Variants in GRM3 observed in about 807,000 individuals in gnomAD.
GRM3 encodes metabotropic glutamate receptor 3.
In GRM3, 26 loss-of-function variants were observed where a neutral mutation model predicts 70.5. The observed-to-expected ratio is 0.37, with a 90% CI of 0.27 to 0.51. GRM3 has a LOEUF of 0.51. Among genes scored for constraint, GRM3 ranks in the 20% least tolerant of loss-of-function variants. The probability of loss-of-function intolerance (pLI) is 0.93; values close to 1 mark genes in which losing one functional copy is unlikely to be tolerated. For synonymous variants in GRM3, 443 were observed against 434.9 expected (o/e 1.02, Z -0.23); for missense variants, 859 against 1,123.8 (o/e 0.76, Z 3.37).
chr7:86,655,513 AC>A, intron 1 of GRM3, among the ~76,000 whole-genome samples: 1 of 152,110 alleles, frequency 6.6e-6, no homozygotes, highest in South Asian at 2.1e-4. Context: ...AAAACAACAA[AC>A]CCTAACTTGC....
chr7:86,724,502 T>G (rs1168967909), intron 1 of GRM3, among the ~76,000 whole-genome samples: 3 of 152,130 alleles, frequency 2.0e-5, no homozygotes, highest in Non-Finnish European at 4.4e-5. Flanking sequence ...CATTATTTAT[T>G]TTTACAGTAA....
chr7:86,761,764 A>G (rs939698178), intron 1 of GRM3, among the ~76,000 whole-genome samples: 4 of 152,136 alleles, frequency 2.6e-5, no homozygotes, highest in African/African-American at 9.7e-5. Context: ...GAATTTGGTA[A>G]CAGGCTCTAT....
intron 1 of GRM3, among the ~76,000 whole-genome samples, chr7:86,713,197 A>G (rs1033443815): frequency 6.6e-6 from 1 of 151,996 alleles, no homozygotes; most frequent in South Asian, 2.1e-4. Flanking sequence ...ATGACATCTC[A>G]TTTTGGTTTC....
intron 1 of GRM3, among the ~76,000 whole-genome samples, chr7:86,678,511 T>G (rs1340759043): frequency 6.6e-6 from 1 of 152,050 alleles, no homozygotes. Context: ...CCACGGTGTC[T>G]AAGAATACTG....
intron 1 of GRM3, among the ~76,000 whole-genome samples, chr7:86,714,604 C>T (rs1198755018): frequency 6.6e-6 from 1 of 151,932 alleles, no homozygotes; most frequent in Non-Finnish European, 1.5e-5. Flanking sequence ...AGTAATTGAC[C>T]TGCTAAATCA....
In GRM3 at chr7:86,644,674, C is replaced by T. The variant is rs1793408887; in HGVS notation, c.-339C>T. The stretch of plus-strand genomic sequence containing the variant: ...GGGGCAGGGGCAGGGGGCACTGTGA[C>T]AGGAAGCTGCGCGCACAAGTTGGCC... On this transcript the variant is annotated 5_prime_UTR_variant, in exon 1 of 6. Transcript: ENST00000361669. 1.5e-6 allele frequency: 1 copy of T among 658,004 alleles called. No homozygotes were observed. Among genetic ancestry groups the T allele is most frequent in the Non-Finnish European group, 2.4e-6 (1 of 411,080 alleles). 40.8% of individuals were successfully genotyped at this position (658,004 alleles called of 1,614,324 possible).
At chr7:86,799,875 T>G (rs1236516929) in intron 3 of GRM3, among the ~76,000 whole-genome samples, 2 of 152,162 alleles carry the variant, frequency 1.3e-5, no homozygotes, top group Non-Finnish European at 1.5e-5. Context: ...ATGTTGAATT[T>G]TATTGAAGGC....
intron 1 of GRM3, among the ~76,000 whole-genome samples, chr7:86,741,406 C>G (rs1795988375): frequency 1.3e-5 from 2 of 152,320 alleles, no homozygotes; most frequent in Admixed American, 1.3e-4. Flanking sequence ...TTATTGCTCT[C>G]AGGTGGATCT....
chr7:86,722,660 C>T (rs779202709), intron 1 of GRM3, among the ~76,000 whole-genome samples: 16 of 151,920 alleles, frequency 1.1e-4, no homozygotes, highest in Admixed American at 2.0e-4. Flanking sequence ...ATGTAGATGA[C>T]GGGTTGATGG....
chr7:86,767,560 A>T (rs1050396582), intron 2 of GRM3, among the ~76,000 whole-genome samples: 57 of 118,842 alleles, frequency 4.8e-4, no homozygotes, highest in African/African-American at 1.2e-3. Flanking sequence ...TATATATATA[A>T]ATGAAGTATG....
At chr7:86,733,741 T>C (rs1253273478) in intron 1 of GRM3, among the ~76,000 whole-genome samples, 1 of 152,040 alleles carries the variant, frequency 6.6e-6, no homozygotes, top group Non-Finnish European at 1.5e-5. Flanking sequence ...TCATGGACAG[T>C]TTCAACATGA....
At chr7:86,737,659 A>G (rs1795895941) in intron 1 of GRM3, among the ~76,000 whole-genome samples, 1 of 152,226 alleles carries the variant, frequency 6.6e-6, no homozygotes, top group Admixed American at 6.5e-5. Context: ...ACATCTGAAA[A>G]AAATTATTGT....
At chr7:86,776,066 C>T (rs1796881661) in intron 2 of GRM3, 1 of 151,984 alleles carries the variant, frequency 6.6e-6, no homozygotes, top group Non-Finnish European at 1.5e-5. Flanking sequence ...TAGAATAGTG[C>T]CTTGTATAAT....
intron 1 of GRM3, among the ~76,000 whole-genome samples, chr7:86,751,768 G>C (rs1396053865): frequency 6.6e-6 from 1 of 152,098 alleles, no homozygotes; most frequent in Non-Finnish European, 1.5e-5. Flanking sequence ...ATTATAATGA[G>C]AAGGAGGCCT....
chr7:86,657,669 A>T (rs1793781360), intron 1 of GRM3, among the ~76,000 whole-genome samples: 1 of 152,194 alleles, frequency 6.6e-6, no homozygotes, highest in African/African-American at 2.4e-5. Context: ...CAATGTGAAG[A>T]TAAATAGGAG....
intron 3 of GRM3, among the ~76,000 whole-genome samples, chr7:86,806,376 G>C (rs1308324260): frequency 1.3e-5 from 2 of 152,180 alleles, no homozygotes; most frequent in Admixed American, 1.3e-4. Context: ...CAGTGTAAAA[G>C]TGTTCCTATT....
chr7:86,807,726 G>T (rs1349781873), intron 3 of GRM3, among the ~76,000 whole-genome samples: 1 of 151,968 alleles, frequency 6.6e-6, no homozygotes, highest in Non-Finnish European at 1.5e-5. Context: ...TCCTAATTGA[G>T]TACCCTTTAT....
chr7:86,720,759 C>A lies in GRM3; in HGVS notation c.-140-44247C>A, dbSNP rs965410454. On this transcript the variant is annotated intron_variant, in intron 1 of 5. Transcript: ENST00000361669. ...TCACAAATATTCAATGCCTTAAATA[C>A]GTCCACTTAGAATTTGTATGAAAGT... Among the ~76,000 whole-genome samples the A allele has an allele frequency of 5.0e-5, 6 of 120,704 alleles. No homozygotes were observed. In the East Asian group the frequency reaches 1.0e-3, roughly 20 times the overall value. 79.2% of individuals were successfully genotyped at this position (120,704 alleles called of 152,430 possible).
At chr7:86,676,153 A>C (rs1794301179) in intron 1 of GRM3, among the ~76,000 whole-genome samples, 1 of 151,974 alleles carries the variant, frequency 6.6e-6, no homozygotes, top group Admixed American at 6.6e-5. Context: ...CATGAATTTC[A>C]TCAATATGTT....
Sources: gnomAD v4.1 joint callset for allele counts (sites outside exome capture counted in the v4.1 genomes callset) on GRCh38, gnomAD v4.1.1 for gene constraint, MANE v1.5 for transcripts, NCBI Gene and HGNC (gene_info 2026-07-23, HGNC 2026-07-21) for gene names.